ADAMTS20: variants seen among roughly 807,000 people sequenced by gnomAD.
ADAMTS20 encodes A disintegrin and metalloproteinase with thrombospondin motifs 20.
In ADAMTS20, 225 loss-of-function variants were observed where a neutral mutation model predicts 260.1. That is an observed-to-expected ratio of 0.87 (90% CI 0.78 to 0.97). The LOEUF is 0.97. Among genes scored for constraint, ADAMTS20 ranks in the 50% least tolerant of loss-of-function variants. The probability of loss-of-function intolerance (pLI) is 0.00; values close to 1 mark genes in which losing one functional copy is unlikely to be tolerated. For missense variants in ADAMTS20, 2,400 were observed against 2,337.7 expected (o/e 1.03, Z -0.55); for synonymous variants, 802 against 769.5 (o/e 1.04, Z -0.70).
At chr12:43,464,847 C>T (rs1942126115) in intron 9 of ADAMTS20, 115 bp from the exon 10 acceptor site, 1 of 1,217,932 alleles carries the variant, frequency 8.2e-7, no homozygotes, top group Non-Finnish European at 1.1e-6. Context: ...AGTATTTATT[C>T]ATAACTTTAA....
In ADAMTS20 at chr12:43,551,264, A is replaced by T; in HGVS notation, c.98T>A (p.Leu33Gln). 6.2e-7 allele frequency: 1 copy of T among 1,610,168 alleles called. No individual in the cohort carries two copies. Among genetic ancestry groups the T allele is most frequent in the Non-Finnish European group, 8.5e-7 (1 of 1,177,108 alleles). The change falls in exon 2 of 39, where the codon CTG becomes CAG. Residue 33 changes from leucine to glutamine, a missense_variant. Transcript: ENST00000389420. The surrounding 1 kb of genome is among the most constrained non-coding windows in gnomAD (Gnocchi z 4.6). ...EVDFHPRQEALVRTLTSYEVV... is the reference protein window; with the variant it reads ...EVDFHPRQEAQVRTLTSYEVV... ...TTCGTAGGAGGTCAGTGTCCTCACCAGGGCTTCTGCAACAACAGCGACAGG... is the reference window on the plus strand; with the variant it reads ...TTCGTAGGAGGTCAGTGTCCTCACCTGGGCTTCTGCAACAACAGCGACAGG...
At chr12:43,400,078 T>C (rs1205321484) in intron 28 of ADAMTS20, among the ~76,000 whole-genome samples, 2 of 152,074 alleles carry the variant, frequency 1.3e-5, no homozygotes, top group Non-Finnish European at 2.9e-5. Flanking sequence ...AGATAAAGAA[T>C]ATGAAATGTC....
chr12:43,395,677 CTTTTTTTTTT>C (rs5797860), intron 29 of ADAMTS20, among the ~76,000 whole-genome samples: 32 of 90,828 alleles, frequency 3.5e-4, no homozygotes, highest in Non-Finnish European at 5.7e-4. Context: ...GTGTGAGATT[CTTTTTTTTTT>C]TTTTTTTTTT....
chr12:43,400,443 T>C (rs949650532), intron 28 of ADAMTS20, among the ~76,000 whole-genome samples: 2 of 152,040 alleles, frequency 1.3e-5, no homozygotes, highest in East Asian at 3.8e-4. Flanking sequence ...CAATAATGCA[T>C]TGATTATTAA....
rs188491053 is a variant in ADAMTS20, at chr12:43,419,234, T to C, written c.4284+6280A>G. 8.2e-4 allele frequency among the ~76,000 whole-genome samples: 125 copies of C among 152,196 alleles called. 2 individuals are homozygous for C. The East Asian group carries it at 0.021, about 25-fold the overall frequency. On this transcript the variant is annotated intron_variant, in intron 28 of 38. Coordinates refer to ENST00000389420, the MANE Select transcript of ADAMTS20 (RefSeq NM_025003.5). ...GTGCAATGTATGACTATATAATACA[T>C]ATATATGGGCACATTCTCAAAATGT...
At chr12:43,501,477 G>C (rs111336307) in intron 4 of ADAMTS20, among the ~76,000 whole-genome samples, 2 of 62,192 alleles carry the variant, frequency 3.2e-5, no homozygotes, top group East Asian at 1.8e-3. Context: ...GCGCGCGCGC[G>C]CGCGCACACA....
Position 43,439,631 on chromosome 12 carries a change from T to C in ADAMTS20, c.2584A>G (p.Met862Val). 6.2e-7 allele frequency: 1 copy of C among 1,605,140 alleles called. No homozygotes were observed. The highest frequency in any genetic ancestry group is 8.5e-7 in the Non-Finnish European group (1 of 1,177,640). ...PYGPWEGCTK[M>V]CQGLQRRNIT... ...TTGAATGCCAGCGTACCTTGACACATTTTGGTACAGCCTTCCCATGGTCCA... is the reference window on the plus strand; with the variant it reads ...TTGAATGCCAGCGTACCTTGACACACTTTGGTACAGCCTTCCCATGGTCCA... Residue 862 changes from methionine to valine, a missense_variant, in exon 18 of 39, where the codon ATG becomes GTG. By Grantham distance (21) the Met-to-Val change is conservative. Coordinates refer to ENST00000389420, the MANE Select transcript of ADAMTS20 (RefSeq NM_025003.5).
At chr12:43,429,489 T>C (rs1017904758) in intron 24 of ADAMTS20, 128 bp downstream of exon 24, 2 of 655,334 alleles carry the variant, frequency 3.1e-6, no homozygotes, top group African/African-American at 1.8e-5. Context: ...CTAAACCCTA[T>C]ACTTCTTTGA....
intron 3 of ADAMTS20, among the ~76,000 whole-genome samples, chr12:43,526,013 C>T (rs1414733052): frequency 1.3e-5 from 2 of 152,164 alleles, no homozygotes; most frequent in African/African-American, 4.8e-5. Context: ...TTAACGTACA[C>T]TCTAGAACAA....
rs573432303 is a variant in ADAMTS20, at chr12:43,486,859, A to G, written c.1117+3536T>C. Among the ~76,000 whole-genome samples the G allele has an allele frequency of 1.6e-3, 241 of 152,352 alleles. 1 individual carries two copies. Among genetic ancestry groups the G allele is most frequent in the African/African-American group, 5.4e-3 (226 of 41,582 alleles). ...ACTAATCATCAGGAAAATGCAAATT[A>G]AAACTACAATGAGATACCATCTTAC... On this transcript the variant is annotated intron_variant, in intron 7 of 38. Transcript: ENST00000389420.
chr12:43,467,858 A>T lies in ADAMTS20; in HGVS notation c.1223+742T>A, dbSNP rs77549234. 2.0e-3 allele frequency among the ~76,000 whole-genome samples: 308 copies of T among 152,264 alleles called. 1 individual carries two copies. Among genetic ancestry groups the T allele is most frequent in the African/African-American group, 7.1e-3 (296 of 41,584 alleles). On this transcript the variant is annotated intron_variant, in intron 8 of 38. Coordinates refer to ENST00000389420, the MANE Select transcript of ADAMTS20 (RefSeq NM_025003.5). ...ATGATTTCTCAAGGCATGACTAGGA[A>T]ATTAAATGTGGTCAAACTAACAGAG... is the stretch of plus-strand genomic sequence containing the variant.
intron 3 of ADAMTS20, among the ~76,000 whole-genome samples, chr12:43,525,770 A>C (rs1476222483): frequency 6.6e-6 from 1 of 152,182 alleles, no homozygotes; most frequent in Non-Finnish European, 1.5e-5. Flanking sequence ...TATAAAAAGA[A>C]AAAAAGTCAA....
At chr12:43,543,660 T>C (rs1187188011) in intron 2 of ADAMTS20, among the ~76,000 whole-genome samples, 7 of 152,136 alleles carry the variant, frequency 4.6e-5, no homozygotes, top group Non-Finnish European at 1.0e-4. Flanking sequence ...ACAAGATGAG[T>C]ATGTTTGATG....
At chr12:43,427,946 C>G (rs1263296103) in intron 26 of ADAMTS20, among the ~76,000 whole-genome samples, 1 of 152,036 alleles carries the variant, frequency 6.6e-6, no homozygotes, top group Admixed American at 6.6e-5. Context: ...TATTCATAAA[C>G]ATTTATAGTC....
intron 21 of ADAMTS20, among the ~76,000 whole-genome samples, chr12:43,431,953 A>C (rs192743357): frequency 2.0e-5 from 3 of 151,344 alleles, no homozygotes; most frequent in African/African-American, 4.9e-5. Flanking sequence ...ATCTCTGCTC[A>C]TTGATACTCC....
At chr12:43,411,438 G>T (rs1259990414) in intron 28 of ADAMTS20, among the ~76,000 whole-genome samples, 1 of 152,144 alleles carries the variant, frequency 6.6e-6, no homozygotes, top group African/African-American at 2.4e-5. Context: ...CACGATCTCG[G>T]CTCACTGCAA....
At chr12:43,461,531 C>T (rs948539898) in intron 11 of ADAMTS20, among the ~76,000 whole-genome samples, 5 of 152,002 alleles carry the variant, frequency 3.3e-5, no homozygotes, top group Admixed American at 6.6e-5. Flanking sequence ...ACTTTTGCCA[C>T]GAGCAATCAA....
intron 29 of ADAMTS20, among the ~76,000 whole-genome samples, chr12:43,392,222 A>G (rs1940610656): frequency 6.6e-6 from 1 of 152,158 alleles, no homozygotes; most frequent in East Asian, 1.9e-4. Context: ...TCTAGCCTAT[A>G]AAATAAAGCT....
At position 43,464,760 on chromosome 12, in the gene ADAMTS20, T is replaced by C. The variant is rs774875746; in HGVS notation, c.1368-28A>G. On this transcript the variant is annotated intron_variant, in intron 9 of 38. Transcript: ENST00000389420. ...GTAACAGTGACAGAAAATAAAATAT[T>C]GTGAATACACATGGATGCATTCCAG... 3.1e-6 allele frequency: 5 copies of C among 1,598,730 alleles called. 1 individual carries two copies. The Admixed American group carries it at 8.8e-5, about 28-fold the overall frequency.
Sources: allele counts gnomAD v4.1 joint callset (sites outside exome capture counted in the v4.1 genomes callset), GRCh38; gene constraint gnomAD v4.1.1; non-coding constraint Gnocchi (gnomAD v3.1); transcripts MANE v1.5; gene names NCBI Gene and HGNC (gene_info 2026-07-23, HGNC 2026-07-21).